The following UAP1 variants were observed in gnomAD, a reference collection of about 807,000 sequenced individuals.
UAP1 encodes UDP-N-acetylglucosamine pyrophosphorylase 1.
Under a neutral mutation model 58.5 loss-of-function variants are expected in UAP1, and 25 were observed. The ratio of observed to expected loss-of-function variants is 0.43; its 90% CI spans 0.31 to 0.60. The LOEUF is 0.60. Ranked by LOEUF, UAP1 falls within the 20% of genes least tolerant of loss-of-function variation. The probability of loss-of-function intolerance (pLI) is 0.11; values close to 1 mark genes in which losing one functional copy is unlikely to be tolerated. For missense variants in UAP1, 575 were observed against 630.0 expected (o/e 0.91, Z 0.93); for synonymous variants, 208 against 213.0 (o/e 0.98, Z 0.21).
At chr1:162,569,762 G>A (rs182818785) in intron 2 of UAP1, among the ~76,000 whole-genome samples, 1 of 152,276 alleles carries the variant, frequency 6.6e-6, no homozygotes, top group East Asian at 1.9e-4. Context: ...AGTAAAGTAA[G>A]TGGATTATTT....
At chr1:162,576,405 C>T (rs538611879) in intron 2 of UAP1, among the ~76,000 whole-genome samples, 1 of 152,076 alleles carries the variant, frequency 6.6e-6, no homozygotes, top group Non-Finnish European at 1.5e-5. Context: ...ATTTAGTTCA[C>T]TAAAATGCAT....
At chr1:162,582,836 G>A (rs1445712771) in intron 5 of UAP1, among the ~76,000 whole-genome samples, 2 of 152,140 alleles carry the variant, frequency 1.3e-5, no homozygotes, top group African/African-American at 4.8e-5. Flanking sequence ...ATTGGAAGCC[G>A]AAATCTTAAA....
chr1:162,578,372 C>A (rs564300737), intron 3 of UAP1, among the ~76,000 whole-genome samples: 1 of 152,306 alleles, frequency 6.6e-6, no homozygotes, highest in South Asian at 2.1e-4. Flanking sequence ...GACTTACAAT[C>A]TATTTTGCCT....
At chr1:162,596,899 CTATT>C (rs1168932386) in intron 9 of UAP1, among the ~76,000 whole-genome samples, 2 of 152,170 alleles carry the variant, frequency 1.3e-5, no homozygotes, top group Non-Finnish European at 2.9e-5. Context: ...AACTCATTGA[CTATT>C]TATTGACTTT....
chr1:162,579,628 G>T, intron 4 of UAP1, 25 bp downstream of exon 4: 1 of 1,484,774 alleles, frequency 6.7e-7, no homozygotes, highest in South Asian at 1.4e-5. Flanking sequence ...TTATTTAATG[G>T]TGACTAGAAA....
intron 10 of UAP1, among the ~76,000 whole-genome samples, chr1:162,598,607 C>T (rs566405650): frequency 5.5e-4 from 84 of 152,242 alleles, no homozygotes; most frequent in Non-Finnish European, 7.6e-4. Context: ...AGTACTGTCA[C>T]TTTTAAAACT....
chr1:162,583,527 T>C lies in UAP1; in HGVS notation c.834+2068T>C, dbSNP rs187714535. Among the ~76,000 whole-genome samples, 17 of 152,298 alleles carry C rather than the reference T, an allele frequency of 1.1e-4. No homozygotes were observed. In the East Asian group the frequency reaches 2.7e-3, roughly 24 times the overall value. On this transcript the variant is annotated intron_variant, in intron 5 of 10. Transcript: ENST00000271469. ...AGCTTCAGAACCAATTTAAACTTTA[T>C]GCAATCAGAGAGTGTTCAACCTGGA...
chr1:162,566,033 A>G (rs1653467136), exon 2 of UAP1: 4 of 1,591,464 alleles, frequency 2.5e-6, no homozygotes, highest in Non-Finnish European at 2.6e-6. Context: ...CATACATTAC[A>G]CCCCTATTTC....
At chr1:162,587,724 G>A in intron 6 of UAP1, 56 bp downstream of exon 6, 3 of 1,547,126 alleles carry the variant, frequency 1.9e-6, no homozygotes, top group Non-Finnish European at 2.6e-6. Context: ...CAGAAACTAA[G>A]ACACTTGAGA....
chr1:162,584,068 A>G (rs972846551), intron 5 of UAP1, among the ~76,000 whole-genome samples: 3 of 152,208 alleles, frequency 2.0e-5, no homozygotes, highest in African/African-American at 7.2e-5. Context: ...TACTCTTCAG[A>G]TTAGTTTTTG....
chr1:162,596,025 G>C (rs1428499371), intron 9 of UAP1, among the ~76,000 whole-genome samples: 2 of 151,336 alleles, frequency 1.3e-5, no homozygotes, highest in Non-Finnish European at 2.9e-5. Context: ...CTAATTTTTT[G>C]TATTGTTAGT....
intron 9 of UAP1, chr1:162,597,163 C>CA (rs757332865): frequency 1.3e-5 from 2 of 152,278 alleles, no homozygotes; most frequent in South Asian, 4.1e-4. Context: ...GAACTTTCTG[C>CA]AGTGAAGGAA....
intron 3 of UAP1, among the ~76,000 whole-genome samples, 200 bp from the exon 4 acceptor site, chr1:162,579,228 A>G (rs1284331256): frequency 6.6e-6 from 1 of 152,210 alleles, no homozygotes; most frequent in Non-Finnish European, 1.5e-5. Context: ...TTTCATACGT[A>G]AGAGTTGATG....
chr1:162,571,485 A>G (rs1313015686), intron 2 of UAP1, among the ~76,000 whole-genome samples: 3 of 152,146 alleles, frequency 2.0e-5, no homozygotes, highest in South Asian at 4.1e-4. Flanking sequence ...GTGTAGGAAA[A>G]TTATTAACCC....
chr1:162,573,511 T>C (rs369994713), intron 2 of UAP1, among the ~76,000 whole-genome samples: 3 of 152,220 alleles, frequency 2.0e-5, no homozygotes, highest in African/African-American at 4.8e-5. Flanking sequence ...TTTCAAACTC[T>C]GATGAGGTAC....
intron 7 of UAP1, among the ~76,000 whole-genome samples, chr1:162,589,391 G>A (rs1036519486): frequency 2.0e-5 from 3 of 147,420 alleles, no homozygotes; most frequent in Non-Finnish European, 4.4e-5. Flanking sequence ...GGCCTCAAGC[G>A]ATCTTCCCAT....
intron 2 of UAP1, among the ~76,000 whole-genome samples, chr1:162,570,002 A>AGT (rs1298759861): frequency 6.6e-6 from 1 of 152,148 alleles, no homozygotes; most frequent in Non-Finnish European, 1.5e-5. Context: ...ACAAAAAATT[A>AGT]GCCAGGTGTG....
At chr1:162,579,503 A>G in exon 4 of UAP1, 1 of 1,612,140 alleles carries the variant, frequency 6.2e-7, no homozygotes, top group South Asian at 1.1e-5. Context: ...TTGGTTTAAA[A>G]AAAGAGAATG....
At chr1:162,597,945 C>A in intron 10 of UAP1, 87 bp downstream of exon 10, 1 of 1,228,976 alleles carries the variant, frequency 8.1e-7, no homozygotes, top group East Asian at 2.3e-5. Flanking sequence ...AATGTTCTCA[C>A]CATAAAGAAA....
Sources: allele counts gnomAD v4.1 joint callset (sites outside exome capture counted in the v4.1 genomes callset), GRCh38; gene constraint gnomAD v4.1.1; transcripts MANE v1.5; gene names NCBI Gene and HGNC (gene_info 2026-07-23, HGNC 2026-07-21).